PDE3B: variants seen among roughly 807,000 people sequenced by gnomAD.
PDE3B encodes the protein cGMP-inhibited 3',5'-cyclic phosphodiesterase 3B.
Under a neutral mutation model 116.8 loss-of-function variants are expected in PDE3B, and 66 were observed. The observed-to-expected ratio is 0.56, with a 90% CI of 0.46 to 0.69. The LOEUF is 0.69. Ranked by LOEUF, PDE3B falls within the 30% of genes least tolerant of loss-of-function variation. The pLI, the probability that PDE3B is intolerant of heterozygous loss-of-function variation, is 0.00. For synonymous variants in PDE3B, 595 were observed against 533.6 expected, an observed-to-expected ratio of 1.12 and a Z score of -1.59; for missense variants, 1,384 against 1,368.1, an observed-to-expected ratio of 1.01 and a Z score of -0.18.
At chr11:14,688,887 C>T (rs1854967564) in intron 1 of PDE3B, among the ~76,000 whole-genome samples, 1 of 152,140 alleles carries the variant, frequency 6.6e-6, no homozygotes, top group African/African-American at 2.4e-5. Context: ...ATTCTTCTGC[C>T]TTAGCCTCCC....
intron 7 of PDE3B, among the ~76,000 whole-genome samples, chr11:14,824,429 C>G (rs1021827013): frequency 6.6e-6 from 1 of 152,056 alleles, no homozygotes; most frequent in Non-Finnish European, 1.5e-5. Flanking sequence ...GATGAAATAG[C>G]CAGTATGAAA....
chr11:14,802,906 C>T (rs1294141406), intron 4 of PDE3B, among the ~76,000 whole-genome samples: 1 of 152,184 alleles, frequency 6.6e-6, no homozygotes, highest in Non-Finnish European at 1.5e-5. Flanking sequence ...TTCTGAGTTA[C>T]AGCAATTTGA....
At chr11:14,876,818 T>C (rs1230790615), downstream of PDE3B, among the ~76,000 whole-genome samples, 1 of 152,130 alleles carries the variant, frequency 6.6e-6, no homozygotes, top group Admixed American at 6.6e-5. Flanking sequence ...GATTACACCA[T>C]GTAACATCTA....
At chr11:14,794,172 A>G (rs1039822420) in intron 4 of PDE3B, among the ~76,000 whole-genome samples, 2 of 152,026 alleles carry the variant, frequency 1.3e-5, no homozygotes, top group African/African-American at 4.8e-5. Context: ...AATTTCTTCC[A>G]CCATACTCTG....
intron 5 of PDE3B, among the ~76,000 whole-genome samples, chr11:14,813,849 G>A (rs541787531): frequency 6.6e-6 from 1 of 152,140 alleles, no homozygotes; most frequent in South Asian, 2.1e-4. Context: ...TGTGAATATA[G>A]ATACAAAAAT....
intron 12 of PDE3B, among the ~76,000 whole-genome samples, chr11:14,847,587 C>A (rs1416878529): frequency 8.6e-5 from 13 of 151,996 alleles, no homozygotes. Flanking sequence ...AATTGATAGA[C>A]CGCTAGCAAG....
chr11:14,652,439 C>T (rs1236585860), intron 1 of PDE3B, among the ~76,000 whole-genome samples: 1 of 152,000 alleles, frequency 6.6e-6, no homozygotes, highest in African/African-American at 2.4e-5. Flanking sequence ...TGTTCTTTTT[C>T]AAGATTATTT....
intron 1 of PDE3B, among the ~76,000 whole-genome samples, chr11:14,770,694 G>A (rs996036668): frequency 6.6e-6 from 1 of 151,508 alleles, no homozygotes. Context: ...TGTGGGCACT[G>A]GTTCACAAGT....
chr11:14,789,644 G>T (rs1372314897), intron 4 of PDE3B, among the ~76,000 whole-genome samples: 1 of 151,974 alleles, frequency 6.6e-6, no homozygotes, highest in Non-Finnish European at 1.5e-5. Context: ...ACGTTTCCAA[G>T]GCTCATCACA....
At chr11:14,732,825 A>G (rs906402619) in intron 1 of PDE3B, among the ~76,000 whole-genome samples, 1 of 152,190 alleles carries the variant, frequency 6.6e-6, no homozygotes, top group African/African-American at 2.4e-5. Context: ...GTGGACTTCT[A>G]CAGTTCAAAC....
chr11:14,868,249 C>A (rs1848083437), intron 15 of PDE3B, among the ~76,000 whole-genome samples: 1 of 152,202 alleles, frequency 6.6e-6, no homozygotes, highest in South Asian at 2.1e-4. Flanking sequence ...AGTACCTGTG[C>A]ATGCACGATA....
intron 1 of PDE3B, among the ~76,000 whole-genome samples, chr11:14,679,833 C>G (rs372828707): frequency 3.3e-5 from 5 of 152,110 alleles, no homozygotes; most frequent in African/African-American, 1.2e-4. Context: ...CACTACAGTT[C>G]ACGGAATGGA....
chr11:14,766,576 A>G (rs536597974), intron 1 of PDE3B, among the ~76,000 whole-genome samples: 1 of 151,732 alleles, frequency 6.6e-6, no homozygotes, highest in Non-Finnish European at 1.5e-5. Context: ...TCTGTATCCA[A>G]AAATTGAGTG....
chr11:14,781,678 T>C (rs1858007452), intron 2 of PDE3B, among the ~76,000 whole-genome samples: 1 of 152,190 alleles, frequency 6.6e-6, no homozygotes, highest in Non-Finnish European at 1.5e-5. Context: ...ATAAGAGCTA[T>C]GTATGACAAA....
chr11:14,742,346 C>T (rs1198385870), intron 1 of PDE3B, among the ~76,000 whole-genome samples: 1 of 152,182 alleles, frequency 6.6e-6, no homozygotes, highest in Admixed American at 6.5e-5. Context: ...TCTTCAATCT[C>T]TGATATCCTT....
intron 1 of PDE3B, among the ~76,000 whole-genome samples, chr11:14,678,977 A>G (rs1565088338): frequency 6.6e-6 from 1 of 152,176 alleles, no homozygotes; most frequent in Non-Finnish European, 1.5e-5. Context: ...TACATACAGA[A>G]TTTCCAATTC....
At chr11:14,645,176 CGGGG>C (rs34477227) in intron 1 of PDE3B, 123 bp downstream of exon 1, 39 of 47,664 alleles carry the variant, frequency 8.2e-4, no homozygotes, top group South Asian at 1.5e-3. Context: ...GGGTGTGTTG[CGGGG>C]GGGGGGGGGG....
intron 1 of PDE3B, among the ~76,000 whole-genome samples, chr11:14,650,796 C>T (rs998376364): frequency 1.4e-4 from 21 of 151,892 alleles, no homozygotes; most frequent in Non-Finnish European, 1.0e-4. Flanking sequence ...GGACCCTGAG[C>T]CAAGGAAAGC....
chr11:14,649,995 T>G (rs1853524600), intron 1 of PDE3B, among the ~76,000 whole-genome samples: 1 of 152,202 alleles, frequency 6.6e-6, no homozygotes, highest in African/African-American at 2.4e-5. Flanking sequence ...CTGCACTTAT[T>G]TAGGTTGTTG....
Sources: allele counts gnomAD v4.1 joint callset (sites outside exome capture counted in the v4.1 genomes callset), GRCh38; gene constraint gnomAD v4.1.1; transcripts MANE v1.5; gene names NCBI Gene and HGNC (gene_info 2026-07-23, HGNC 2026-07-21).